Variants in SYNPR observed in about 807,000 individuals in gnomAD.
SYNPR encodes synaptoporin.
In SYNPR, 23 loss-of-function variants were observed where a neutral mutation model predicts 32.9. That is an observed-to-expected ratio of 0.70 (90% CI 0.50 to 0.99). SYNPR has a LOEUF of 0.99. Among genes scored for constraint, SYNPR ranks in the 50% least tolerant of loss-of-function variants. The pLI is 0.00. For missense variants in SYNPR, 318 were observed against 349.3 expected, an observed-to-expected ratio of 0.91 and a Z score of 0.71; for synonymous variants, 146 against 135.9, an observed-to-expected ratio of 1.07 and a Z score of -0.52.
At chr3:63,468,858 T>C (rs1700739944) in intron 2 of SYNPR, among the ~76,000 whole-genome samples, 1 of 152,134 alleles carries the variant, frequency 6.6e-6, no homozygotes. Context: ...ATGGATGCTG[T>C]GCTTATCTTT....
intron 1 of SYNPR, among the ~76,000 whole-genome samples, chr3:63,239,867 C>T (rs921924960): frequency 6.6e-6 from 1 of 151,874 alleles, no homozygotes; most frequent in Admixed American, 6.6e-5. Context: ...TCAAGTGTGT[C>T]ATGCACCCAT....
At chr3:63,446,524 T>C (rs1700279830) in intron 2 of SYNPR, among the ~76,000 whole-genome samples, 1 of 152,090 alleles carries the variant, frequency 6.6e-6, no homozygotes, top group African/African-American at 2.4e-5. Context: ...AGATGGATTT[T>C]ATAGGGGGAA....
At chr3:63,260,597 A>G (rs1199037494) in intron 2 of SYNPR, among the ~76,000 whole-genome samples, 1 of 152,254 alleles carries the variant, frequency 6.6e-6, no homozygotes, top group African/African-American at 2.4e-5. Context: ...CTTAAATGTT[A>G]GATCTAAAAC....
chr3:63,200,858 T>C, the SYNPR span, among the ~76,000 whole-genome samples: 2 of 152,158 alleles, frequency 1.3e-5, no homozygotes, highest in Non-Finnish European at 2.9e-5. Context: ...GAGAGAATAC[T>C]GGGAGCTGGA....
chr3:63,402,942 G>A (rs1005783486), intron 2 of SYNPR, among the ~76,000 whole-genome samples: 1 of 152,156 alleles, frequency 6.6e-6, no homozygotes, highest in Admixed American at 6.5e-5. Flanking sequence ...TAGAGAAAAT[G>A]TCCTGGAACA....
chr3:63,344,571 T>TTTC (rs3081091), intron 2 of SYNPR, among the ~76,000 whole-genome samples: 1 of 150,124 alleles, frequency 6.7e-6, no homozygotes, highest in African/African-American at 2.5e-5. Context: ...TTTTTTTTTT[T>TTTC]ACAGATTAAT....
chr3:63,248,615 G>A (rs1251355796), intron 1 of SYNPR, among the ~76,000 whole-genome samples: 1 of 152,240 alleles, frequency 6.6e-6, no homozygotes, highest in Middle Eastern at 3.4e-3. Context: ...AAGTTTATAT[G>A]TGTGTTCTTT....
At chr3:63,340,439 A>C (rs1293141528) in intron 2 of SYNPR, among the ~76,000 whole-genome samples, 1 of 45,458 alleles carries the variant, frequency 2.2e-5, no homozygotes, top group Non-Finnish European at 5.1e-5. Flanking sequence ...TTTTTTTTTG[A>C]GACGGAGTCT....
chr3:63,544,407 A>G (rs1702363504), intron 3 of SYNPR, among the ~76,000 whole-genome samples: 1 of 152,114 alleles, frequency 6.6e-6, no homozygotes, highest in South Asian at 2.1e-4. Flanking sequence ...GAAATTTACA[A>G]TTCCAAAGCC....
At chr3:63,605,992 T>C (rs1318032554) in intron 4 of SYNPR, among the ~76,000 whole-genome samples, 3 of 152,268 alleles carry the variant, frequency 2.0e-5, no homozygotes, top group African/African-American at 7.2e-5. Context: ...TTTACATTTA[T>C]TTGTCACTCA....
In SYNPR at chr3:63,400,224, A is replaced by T. The variant is rs532721403; in HGVS notation, c.85-80608A>T. 3.3e-5 allele frequency among the ~76,000 whole-genome samples: 5 copies of T among 152,370 alleles called. No individual in the cohort carries two copies. In the South Asian group the frequency reaches 1.0e-3, roughly 32 times the overall value. On this transcript the variant is annotated intron_variant, in intron 2 of 5. Coordinates refer to ENST00000478300, the MANE Select transcript of SYNPR (RefSeq NM_001130003.2). ...CTTAGTGAGGTACGCCATGTTAGTTATCTATTGGTGCGTGACAAAATACCC... is the reference window on the plus strand; with the variant it reads ...CTTAGTGAGGTACGCCATGTTAGTTTTCTATTGGTGCGTGACAAAATACCC...
At chr3:63,334,463 C>A (rs1251932515) in intron 2 of SYNPR, among the ~76,000 whole-genome samples, 2 of 152,026 alleles carry the variant, frequency 1.3e-5, no homozygotes, top group African/African-American at 2.4e-5. Context: ...TGTCTTTCAT[C>A]AGCCCTTCTG....
chr3:63,286,557 G>A (rs555044806), intron 2 of SYNPR, among the ~76,000 whole-genome samples: 42 of 44,012 alleles, frequency 9.5e-4, no homozygotes, highest in African/African-American at 4.2e-3. Flanking sequence ...TTCTGCAGAC[G>A]ACCCACATCT....
At chr3:63,521,673 G>A (rs372799226) in intron 3 of SYNPR, among the ~76,000 whole-genome samples, 6 of 152,288 alleles carry the variant, frequency 3.9e-5, no homozygotes, top group African/African-American at 1.4e-4. Context: ...AATATGCAAA[G>A]TGGTTCAGGA....
chr3:63,417,407 G>A (rs1419029938), intron 2 of SYNPR, among the ~76,000 whole-genome samples: 3 of 152,222 alleles, frequency 2.0e-5, no homozygotes, highest in African/African-American at 7.2e-5. Flanking sequence ...GGTGATGAGT[G>A]TCTGCAGCTT....
At chr3:63,339,719 G>A (rs1448817967) in intron 2 of SYNPR, among the ~76,000 whole-genome samples, 2 of 151,400 alleles carry the variant, frequency 1.3e-5, no homozygotes, top group South Asian at 2.1e-4. Flanking sequence ...GTGCTGTGGC[G>A]AGATCTCAGC....
chr3:63,296,993 G>T (rs892838945), intron 2 of SYNPR, among the ~76,000 whole-genome samples: 1 of 152,124 alleles, frequency 6.6e-6, no homozygotes, highest in Non-Finnish European at 1.5e-5. Flanking sequence ...AAGCAAGCTA[G>T]GGAATGAGTT....
intron 2 of SYNPR, among the ~76,000 whole-genome samples, chr3:63,389,588 C>T (rs573526682): frequency 7.9e-5 from 12 of 152,276 alleles, no homozygotes; most frequent in South Asian, 4.2e-4. Context: ...GCATTGACCA[C>T]GTGGGTATTA....
At chr3:63,484,463 A>G (rs1701106157) in intron 3 of SYNPR, among the ~76,000 whole-genome samples, 1 of 152,156 alleles carries the variant, frequency 6.6e-6, no homozygotes, top group Non-Finnish European at 1.5e-5. Context: ...AATGCCAAGT[A>G]ACCTTTTGAA....
Sources: allele counts gnomAD v4.1 joint callset (sites outside exome capture counted in the v4.1 genomes callset), GRCh38; gene constraint gnomAD v4.1.1; transcripts MANE v1.5; gene names NCBI Gene and HGNC (gene_info 2026-07-23, HGNC 2026-07-21).